Variants in UBE3C observed in about 807,000 individuals in gnomAD.
UBE3C encodes ubiquitin protein ligase E3C.
Under a neutral mutation model 129.4 loss-of-function variants are expected in UBE3C, and 42 were observed. The ratio of observed to expected loss-of-function variants is 0.32; its 90% confidence interval spans 0.25 to 0.42. UBE3C has a LOEUF of 0.42. Ranked by LOEUF, UBE3C falls within the 10% of genes least tolerant of loss-of-function variation. The pLI, the probability that UBE3C is intolerant of heterozygous loss-of-function variation, is 1.00. For missense variants in UBE3C, 1,049 were observed against 1,319.1 expected (o/e 0.80, Z 3.17); for synonymous variants, 510 against 492.4 (o/e 1.04, Z -0.47).
intron 1 of UBE3C, among the ~76,000 whole-genome samples, chr7:157,144,746 G>T (rs1422695719): frequency 6.6e-6 from 1 of 151,938 alleles, no homozygotes; most frequent in Non-Finnish European, 1.5e-5. Context: ...TCAAGCAGAG[G>T]GTAGGGTTCC....
chr7:157,244,101 G>A (rs1025284703), intron 18 of UBE3C, among the ~76,000 whole-genome samples: 3 of 152,136 alleles, frequency 2.0e-5, no homozygotes, highest in Admixed American at 6.5e-5. Flanking sequence ...CATGGTATGC[G>A]CACTTGTAAT....
chr7:157,194,011 T>C (rs1054406680), intron 10 of UBE3C, among the ~76,000 whole-genome samples: 3 of 152,218 alleles, frequency 2.0e-5, no homozygotes, highest in African/African-American at 7.2e-5. Flanking sequence ...ATGAACAAAA[T>C]TTCAAATAAT....
chr7:157,213,899 T>C (rs937217687), intron 13 of UBE3C, among the ~76,000 whole-genome samples: 1 of 152,248 alleles, frequency 6.6e-6, no homozygotes, highest in African/African-American at 2.4e-5. Flanking sequence ...CCATGCAATA[T>C]TGTGGACATA....
chr7:157,154,572 T>C (rs1807851302), intron 1 of UBE3C, among the ~76,000 whole-genome samples: 1 of 152,348 alleles, frequency 6.6e-6, no homozygotes, highest in South Asian at 2.1e-4. Flanking sequence ...CTCCATAGCA[T>C]AGTTTGATAC....
intron 10 of UBE3C, among the ~76,000 whole-genome samples, chr7:157,200,550 CAG>C (rs1199510200): frequency 6.6e-6 from 1 of 152,156 alleles, no homozygotes; most frequent in Non-Finnish European, 1.5e-5. Context: ...CAGTATAAAA[CAG>C]AGCTAATTTA....
intron 18 of UBE3C, among the ~76,000 whole-genome samples, chr7:157,245,427 C>T (rs1298188021): frequency 6.6e-6 from 1 of 152,190 alleles, no homozygotes; most frequent in Non-Finnish European, 1.5e-5. Context: ...GCTTTGAACT[C>T]GTCATTCATT....
chr7:157,218,346 G>A (rs1159573634), intron 14 of UBE3C, among the ~76,000 whole-genome samples: 1 of 151,968 alleles, frequency 6.6e-6, no homozygotes, highest in Admixed American at 6.6e-5. Context: ...TTGGGACTGA[G>A]GCTGAGGCAG....
intron 22 of UBE3C, among the ~76,000 whole-genome samples, chr7:157,257,691 C>T (rs930030667): frequency 3.5e-5 from 5 of 143,566 alleles, no homozygotes; most frequent in South Asian, 2.2e-4. Context: ...GAGCCGAGAT[C>T]GCGCCACTGC....
chr7:157,207,370 G>GT (rs1240365992), intron 11 of UBE3C, 28 bp from the exon 12 acceptor site: 4 of 1,589,394 alleles, frequency 2.5e-6, no homozygotes, highest in Admixed American at 3.9e-5. Context: ...AAAGTGACTG[G>GT]TTTTTTTCTT....
chr7:157,156,414 C>G (rs539603719), intron 1 of UBE3C, among the ~76,000 whole-genome samples: 1 of 144,526 alleles, frequency 6.9e-6, no homozygotes, highest in African/African-American at 2.6e-5. Context: ...TCAAGTGATT[C>G]TTGTGCCTCA....
chr7:157,248,680 A>G, intron 19 of UBE3C, 100 bp downstream of exon 19: 1 of 1,293,002 alleles, frequency 7.7e-7, no homozygotes, highest in Non-Finnish European at 1.1e-6. Flanking sequence ...ACTTCCGCAC[A>G]TTTTAGTTAG....
chr7:157,182,088 C>G lies in UBE3C; in HGVS notation c.771-20C>G. 2 of 1,537,132 alleles carry G rather than the reference C, an allele frequency of 1.3e-6. No homozygotes were observed. The highest frequency in any genetic ancestry group is 1.7e-6 in the Non-Finnish European group (2 of 1,148,150). On this transcript the variant is annotated intron_variant, in intron 7 of 22. Coordinates refer to ENST00000348165, the MANE Select transcript of UBE3C (RefSeq NM_014671.3). The stretch of plus-strand genomic sequence containing the variant: ...CAGTATAATTTGATTTTATAAAAAG[C>G]TTCTGTTTTTCTTTTTCAGGCAACA...
At position 157,175,179 on chromosome 7, in the gene UBE3C, A is replaced by G. The variant is rs146568780; in HGVS notation, c.458+145A>G. The G allele has an allele frequency of 6.4e-3, 2,801 of 439,144 alleles. 47 individuals are homozygous for G. Among genetic ancestry groups the G allele is most frequent in the Admixed American group, 0.036 (624 of 17,196 alleles). The allele number at this position is 439,144 out of a possible 1,614,324, so 27.2% of individuals were successfully genotyped here. On this transcript the variant is annotated intron_variant, in intron 5 of 22. Coordinates refer to ENST00000348165, the MANE Select transcript of UBE3C (RefSeq NM_014671.3). ...TTTTTGAGGTCATGGACTTCTGTAT[A>G]TATTACAATTTTTACTGTAGGTGAT...
intron 1 of UBE3C, among the ~76,000 whole-genome samples, chr7:157,158,924 C>G (rs1807991740): frequency 6.6e-6 from 1 of 152,248 alleles, no homozygotes; most frequent in East Asian, 1.9e-4. Flanking sequence ...GCACCAGAAA[C>G]TACCAGAACT....
chr7:157,207,951 A>G lies in UBE3C; in HGVS notation c.1809+16A>G, dbSNP rs368588004. Reference sequence around the variant, plus strand: ...GTTATTTAAGGTATAGAGTATATGTATTTTTTTGTTTACTGACATTGAAAA... The same window carrying G: ...GTTATTTAAGGTATAGAGTATATGTGTTTTTTTGTTTACTGACATTGAAAA... On this transcript the variant is annotated intron_variant, in intron 13 of 22. Coordinates refer to ENST00000348165, the MANE Select transcript of UBE3C (RefSeq NM_014671.3). 6.5e-5 allele frequency: 90 copies of G among 1,378,538 alleles called. No individual in the cohort carries two copies. Among genetic ancestry groups the G allele is most frequent in the Non-Finnish European group, 7.9e-5 (84 of 1,060,770 alleles). The allele number at this position is 1,378,538 out of a possible 1,614,324, so 85.4% of individuals were successfully genotyped here. A position where few individuals can be genotyped will look rare whatever the true frequency, so the allele number is the denominator to read the frequency against.
At chr7:157,229,517 A>G (rs1002179479) in intron 17 of UBE3C, among the ~76,000 whole-genome samples, 43 of 152,218 alleles carry the variant, frequency 2.8e-4, no homozygotes, top group African/African-American at 9.9e-4. Context: ...GGGTTTCACC[A>G]TGTTAGTCAG....
rs1306064188 is a variant in UBE3C at position 157,256,949 on chromosome 7, T to C, written c.2986T>C (p.Phe996Leu). ...YSADHPVIKV[F>L]WRVVEGFTDE... ...TGCAGACCATCCTGTTATTAAGGTC[T>C]TCTGGAGAGTTGTGGAAGGGTTCAC... Residue 996 changes from phenylalanine to leucine, a missense_variant, in exon 22 of 23, where the codon TTC (phenylalanine) becomes CTC (leucine). Phe to Leu is a conservative substitution (Grantham distance 22, BLOSUM62 0). Around this residue, in one of 4 missense-constraint regions of UBE3C, gnomAD observed 243 missense variants for 368.7 expected, o/e 0.66. Coordinates refer to ENST00000348165, the MANE Select transcript of UBE3C (RefSeq NM_014671.3). The C allele has an allele frequency of 6.2e-7, 1 of 1,614,196 alleles. No individual in the cohort carries two copies. The highest frequency in any genetic ancestry group is 1.1e-5 in the South Asian group (1 of 91,074).
intron 22 of UBE3C, among the ~76,000 whole-genome samples, chr7:157,260,320 C>T (rs1005973027): frequency 1.3e-5 from 2 of 152,140 alleles, no homozygotes; most frequent in African/African-American, 4.8e-5. Context: ...AAAACGCTGC[C>T]GCCTACAAGC....
Position 157,223,352 on chromosome 7 carries a change from G to A in UBE3C, c.2100+1G>A. ...GGTTCCATTTGAGGAACGAGTAAAG[G>A]TATGCAATTTGGCTTCTTTATTGTC... On this transcript the variant is annotated splice_donor_variant, in intron 16 of 22. Coordinates refer to ENST00000348165, the MANE Select transcript of UBE3C (RefSeq NM_014671.3). LOFTEE classifies it high-confidence loss of function. 6.2e-7 allele frequency: 1 copy of A among 1,608,884 alleles called. No individual in the cohort carries two copies. The highest frequency in any genetic ancestry group is 8.5e-7 in the Non-Finnish European group (1 of 1,178,108).
Sources: gnomAD v4.1 joint callset for allele counts (sites outside exome capture counted in the v4.1 genomes callset) on GRCh38, gnomAD v4.1.1 for gene constraint, gnomAD v4.1.1 regional missense constraint, MANE v1.5 for transcripts, NCBI Gene and HGNC (gene_info 2026-07-23, HGNC 2026-07-21) for gene names.